ITIH5: variants seen among roughly 807,000 people sequenced by gnomAD.
The protein encoded by ITIH5 is inter-alpha-trypsin inhibitor heavy chain H5.
Under a neutral mutation model 77.5 loss-of-function variants are expected in ITIH5, and 65 were observed. That is an observed-to-expected ratio of 0.84 (90% CI 0.69 to 1.03). The LOEUF (loss-of-function observed/expected upper bound fraction) is 1.03, where lower values mean the gene tolerates loss of function less well. Among genes scored for constraint, ITIH5 ranks in the 50% least tolerant of loss-of-function variants. The pLI is 0.00. For missense variants in ITIH5, 1,208 were observed against 1,213.1 expected (o/e 1.00, Z 0.06); for synonymous variants, 525 against 494.3 (o/e 1.06, Z -0.82).
chr10:7,617,451 CAT>C, intron 5 of ITIH5, 169 bp from the exon 6 acceptor site: 2 of 454,118 alleles, frequency 4.4e-6, no homozygotes, highest in Non-Finnish European at 7.6e-6. Flanking sequence ...GTTATGTCAT[CAT>C]ATAGTTTCCT....
chr10:7,572,201 G>T, intron 11 of ITIH5: 1 of 1,221,608 alleles, frequency 8.2e-7, no homozygotes. Flanking sequence ...GATGTCCCTG[G>T]CTTTAGGAAC....
intron 11 of ITIH5, 53 bp from the exon 12 acceptor site, chr10:7,569,837 T>TACACAAGGAAGG: frequency 1.9e-6 from 2 of 1,057,084 alleles, no homozygotes; most frequent in Non-Finnish European, 2.8e-6. Context: ...ATTCAGTACC[T>TACACAAGGAAGG]TCCTTGTGTA....
chr10:7,577,505 C>A (rs1351296515), intron 9 of ITIH5, among the ~76,000 whole-genome samples: 1 of 152,226 alleles, frequency 6.6e-6, no homozygotes, highest in Non-Finnish European at 1.5e-5. Context: ...TGTACACTTA[C>A]GTTTCTTAAA....
At chr10:7,578,075 C>G (rs532503550) in intron 9 of ITIH5, among the ~76,000 whole-genome samples, 28 of 152,256 alleles carry the variant, frequency 1.8e-4, no homozygotes, top group African/African-American at 6.3e-4. Flanking sequence ...GGCTAGAAAA[C>G]AAGAGTGATA....
intron 5 of ITIH5, among the ~76,000 whole-genome samples, chr10:7,633,714 T>G (rs1381527574): frequency 6.6e-6 from 1 of 151,840 alleles, no homozygotes; most frequent in Admixed American, 6.6e-5. Context: ...TTGCATGAGA[T>G]AATACACTCT....
At chr10:7,612,812 C>G (rs570270090) in intron 7 of ITIH5, among the ~76,000 whole-genome samples, 1 of 152,148 alleles carries the variant, frequency 6.6e-6, no homozygotes, top group Admixed American at 6.5e-5. Context: ...TCATACTGAT[C>G]GTATGTAAGC....
In ITIH5 at chr10:7,624,800, T is replaced by A. The variant is rs942372845; in HGVS notation, c.653-7518A>T. 4.6e-4 allele frequency among the ~76,000 whole-genome samples: 46 copies of A among 99,400 alleles called. 4 individuals carry two copies. Among genetic ancestry groups the A allele is most frequent in the African/African-American group, 1.3e-3 (30 of 22,762 alleles). The allele number at this position is 99,400 out of a possible 152,430, so 65.2% of individuals were successfully genotyped here. A position where few individuals can be genotyped will look rare whatever the true frequency, so the allele number is the denominator to read the frequency against. ...GACTCTGCCTAAAAAAAAAAAAAAA[T>A]ATATATATATATACACATATATATG... On this transcript the variant is annotated intron_variant, in intron 5 of 13. Transcript: ENST00000397146.
At chr10:7,629,156 C>T (rs866557283) in intron 5 of ITIH5, among the ~76,000 whole-genome samples, 344 of 77,712 alleles carry the variant, frequency 4.4e-3, no homozygotes, top group African/African-American at 0.012. Context: ...TTGTGGCATG[C>T]ATCCATGTTA....
At chr10:7,666,271 C>T (rs1834359467) in intron 1 of ITIH5, among the ~76,000 whole-genome samples, 1 of 152,126 alleles carries the variant, frequency 6.6e-6, no homozygotes, top group African/African-American at 2.4e-5. Context: ...ACTCGAGGAA[C>T]TCAGACGCTT....
intron 13 of ITIH5, among the ~76,000 whole-genome samples, chr10:7,565,679 A>G (rs997166228): frequency 4.7e-5 from 7 of 148,986 alleles, no homozygotes; most frequent in African/African-American, 1.7e-4. Context: ...TACAGACCAT[A>G]TACACATACA....
chr10:7,662,539 G>A (rs1010841585), intron 1 of ITIH5, among the ~76,000 whole-genome samples: 115 of 152,224 alleles, frequency 7.6e-4, no homozygotes, highest in African/African-American at 2.6e-3. Flanking sequence ...AGAAACACCC[G>A]GCTGGCATTC....
At chr10:7,569,629 G>C (rs758300680) in intron 12 of ITIH5, 39 bp downstream of exon 12, 1 of 1,355,144 alleles carries the variant, frequency 7.4e-7, no homozygotes, top group East Asian at 2.3e-5. Flanking sequence ...GTACCTACCT[G>C]GTCCTTGCCC....
Position 7,585,825 on chromosome 10 carries a change from C to CAAAA in ITIH5, c.1108+72_1108+75dup, listed in dbSNP as rs878937206. ...CAGCTTTCAAATCCTTATCTCTTGGCAAAAAAAAAAAAAAACCAAAAAAAA... is the reference window on the plus strand; with the variant it reads ...CAGCTTTCAAATCCTTATCTCTTGGCAAAAAAAAAAAAAAAAAAACCAAAAAAAA... On this transcript the variant is annotated intron_variant, in intron 8 of 13. Coordinates refer to ENST00000397146, the MANE Select transcript of ITIH5 (RefSeq NM_030569.7). 102 of 862,540 alleles carry CAAAA rather than the reference C, an allele frequency of 1.2e-4. No homozygotes were observed. In the African/African-American group the frequency reaches 2.4e-3, roughly 20 times the overall value. 53.4% of individuals were successfully genotyped at this position (862,540 alleles called of 1,614,324 possible). A position where few individuals can be genotyped will look rare whatever the true frequency, so the allele number is the denominator to read the frequency against.
Position 7,585,976 on chromosome 10 carries a change from C to A in ITIH5, c.1033G>T (p.Asp345Tyr). The A allele has an allele frequency of 3.1e-6, 5 of 1,614,042 alleles. No individual in the cohort carries two copies. Among genetic ancestry groups the A allele is most frequent in the African/African-American group, 1.3e-5 (1 of 74,994 alleles). Residue 345 changes from aspartate (D) to tyrosine (Y), a missense_variant, in exon 8 of 14, where the codon GAC becomes TAC. Physicochemically the swap from Asp to Tyr is radical, Grantham distance 160. Coordinates refer to ENST00000397146, the MANE Select transcript of ITIH5 (RefSeq NM_030569.7). Reference protein sequence around the residue: ...GFSNRIKVWKDHLISVTPDSI... With the variant: ...GFSNRIKVWKYHLISVTPDSI... ...TCTGGAGTGACTGATATCAAGTGGT[C>A]CTTCCATACTTTGATCCGGTTGGAA...
At chr10:7,663,204 G>C (rs907410695) in intron 1 of ITIH5, among the ~76,000 whole-genome samples, 2 of 152,186 alleles carry the variant, frequency 1.3e-5, no homozygotes, top group East Asian at 1.9e-4. Context: ...GCACATAGTA[G>C]GTTGTTGCAG....
chr10:7,603,635 G>A (rs967492865), intron 7 of ITIH5, among the ~76,000 whole-genome samples: 11 of 152,304 alleles, frequency 7.2e-5, no homozygotes, highest in Admixed American at 5.2e-4. Flanking sequence ...CCAGGCTGGA[G>A]TGCAGTGGCG....
At chr10:7,639,111 A>T (rs751089256) in intron 4 of ITIH5, among the ~76,000 whole-genome samples, 2 of 152,358 alleles carry the variant, frequency 1.3e-5, no homozygotes, top group East Asian at 3.9e-4. Flanking sequence ...CACTTGGGAT[A>T]AATCTATAGT....
chr10:7,614,425 T>C (rs1833322502), intron 7 of ITIH5, among the ~76,000 whole-genome samples: 1 of 152,238 alleles, frequency 6.6e-6, no homozygotes, highest in Non-Finnish European at 1.5e-5. Context: ...CAGCTTTGAA[T>C]GCAGCCCAAC....
At chr10:7,631,025 G>A (rs1054757223) in intron 5 of ITIH5, among the ~76,000 whole-genome samples, 1 of 146,242 alleles carries the variant, frequency 6.8e-6, no homozygotes, top group Non-Finnish European at 1.5e-5. Flanking sequence ...CTTGGAAATG[G>A]GGTCAAGCAG....
Sources: allele counts gnomAD v4.1 joint callset (sites outside exome capture counted in the v4.1 genomes callset), GRCh38; gene constraint gnomAD v4.1.1; transcripts MANE v1.5; gene names NCBI Gene and HGNC (gene_info 2026-07-23, HGNC 2026-07-21).